Variants in ZNF407 observed in about 807,000 individuals in gnomAD.
ZNF407 encodes zinc finger protein 407.
Under a neutral mutation model 131.2 loss-of-function variants are expected in ZNF407, and 17 were observed. That is an observed-to-expected ratio of 0.13 (90% CI 0.09 to 0.19). The LOEUF is 0.19. ZNF407 is among the 10% of genes least tolerant of loss of function. The pLI is 1.00. For missense variants in ZNF407, 2,681 were observed against 2,830.6 expected, an observed-to-expected ratio of 0.95 and a Z score of 1.20; for synonymous variants, 1,156 against 1,062.0, an observed-to-expected ratio of 1.09 and a Z score of -1.72.
intron 3 of ZNF407, among the ~76,000 whole-genome samples, chr18:74,774,528 T>C (rs369020364): frequency 6.6e-6 from 1 of 152,230 alleles, no homozygotes; most frequent in South Asian, 2.1e-4. Flanking sequence ...CCTGATACTA[T>C]GTAATTGGAA....
chr18:74,627,835 C>A (rs9958425), intron 1 of ZNF407, among the ~76,000 whole-genome samples: 8 of 120,050 alleles, frequency 6.7e-5, no homozygotes, highest in South Asian at 3.1e-4. Flanking sequence ...TGCCCTGCCC[C>A]GCCCCACCCC....
chr18:74,667,410 C>G (rs1054595336), intron 3 of ZNF407, among the ~76,000 whole-genome samples: 4 of 152,228 alleles, frequency 2.6e-5, no homozygotes, highest in Admixed American at 6.5e-5. Flanking sequence ...ATCATAGTCA[C>G]AGGTACAGTC....
chr18:74,699,406 G>C (rs1260547191), intron 3 of ZNF407, among the ~76,000 whole-genome samples: 1 of 152,172 alleles, frequency 6.6e-6, no homozygotes, highest in African/African-American at 2.4e-5. Context: ...GCTGGGGTCT[G>C]ATAACTGAAG....
intron 6 of ZNF407, among the ~76,000 whole-genome samples, chr18:74,884,734 A>G (rs895004024): frequency 6.6e-6 from 1 of 152,212 alleles, no homozygotes; most frequent in Non-Finnish European, 1.5e-5. Flanking sequence ...ATTTTGTCAC[A>G]TAAAGATTTT....
At chr18:74,915,396 G>A (rs56141540) in intron 7 of ZNF407, among the ~76,000 whole-genome samples, 13,721 of 93,860 alleles carry the variant, frequency 0.15, 1,125 homozygotes, top group Middle Eastern at 0.29. Context: ...GCATTGGTTC[G>A]AATCAGGAGT....
chr18:74,909,181 C>T (rs909471686), intron 7 of ZNF407, among the ~76,000 whole-genome samples: 6 of 151,626 alleles, frequency 4.0e-5, no homozygotes, highest in African/African-American at 1.5e-4. Flanking sequence ...ATACACACCT[C>T]ACATGTGCTC....
At chr18:74,693,815 A>G (rs1481928635) in intron 3 of ZNF407, among the ~76,000 whole-genome samples, 1 of 152,050 alleles carries the variant, frequency 6.6e-6, no homozygotes. Context: ...TTTTCTGTTT[A>G]CTACCCTATT....
At chr18:74,828,886 A>G (rs1970445575) in intron 4 of ZNF407, among the ~76,000 whole-genome samples, 1 of 152,158 alleles carries the variant, frequency 6.6e-6, no homozygotes, top group African/African-American at 2.4e-5. Context: ...GAAATAGTAA[A>G]TGTAAATTCT....
intron 4 of ZNF407, among the ~76,000 whole-genome samples, chr18:74,833,102 C>T (rs1023669341): frequency 6.6e-6 from 1 of 152,162 alleles, no homozygotes; most frequent in Non-Finnish European, 1.5e-5. Context: ...AGGAGACAAA[C>T]TGAGTTTCAT....
chr18:74,997,172 C>G (rs1035153912), intron 8 of ZNF407, among the ~76,000 whole-genome samples: 2 of 152,194 alleles, frequency 1.3e-5, no homozygotes, highest in Non-Finnish European at 2.9e-5. Context: ...ACAGAGAATG[C>G]AGCTAGCAGT....
In ZNF407 at chr18:74,615,235, G is replaced by A. The variant is rs1315029798; in HGVS notation, c.-53-15732G>A. ...AAAACTTTTATCACAGGCTGGGCGC[G>A]GTGGCTTACGCCTGTAATCCCAGCA... is the stretch of plus-strand genomic sequence containing the variant. On this transcript the variant is annotated intron_variant, in intron 1 of 8. Transcript: ENST00000299687. Among the ~76,000 whole-genome samples the A allele has an allele frequency of 5.9e-5, 9 of 152,336 alleles. No homozygotes were observed. The East Asian group carries it at 9.6e-4, about 16-fold the overall frequency.
In ZNF407 at chr18:74,633,945, T is replaced by G; in HGVS notation, c.2926T>G (p.Ser976Ala). The change falls in exon 2 of 9, where the codon TCT becomes GCT. Residue 976 changes from serine to alanine, a missense_variant. By Grantham distance (99) the Ser-to-Ala change is moderately conservative. This residue lies in a region of ZNF407 where 1,789 missense variants were observed against 1,748.7 expected (regional missense o/e 1.02). Coordinates refer to ENST00000299687, the MANE Select transcript of ZNF407 (RefSeq NM_017757.3). ...IEAEVENVFH[S>A]LDGEVNSHLL... ...AGCTGAAGTTGAAAATGTATTTCAT[T>G]CTCTAGATGGAGAAGTTAACAGCCA... 1.2e-6 allele frequency: 2 copies of G among 1,614,008 alleles called. No homozygotes were observed. The highest frequency in any genetic ancestry group is 1.7e-6 in the Non-Finnish European group (2 of 1,179,890).
intron 8 of ZNF407, among the ~76,000 whole-genome samples, chr18:74,998,495 A>G (rs879549886): frequency 3.4e-4 from 51 of 152,212 alleles, no homozygotes; most frequent in Non-Finnish European, 7.3e-4. Flanking sequence ...TACTTAGATC[A>G]TCACTTCTAT....
At chr18:74,700,004 C>T (rs185339546) in intron 3 of ZNF407, among the ~76,000 whole-genome samples, 76 of 152,132 alleles carry the variant, frequency 5.0e-4, no homozygotes, top group African/African-American at 1.7e-3. Context: ...AAGATTAGTG[C>T]TGTGTTCCCA....
intron 3 of ZNF407, among the ~76,000 whole-genome samples, chr18:74,721,011 T>C (rs1968022288): frequency 6.6e-6 from 1 of 152,022 alleles, no homozygotes; most frequent in Non-Finnish European, 1.5e-5. Context: ...TTCAGAGTTT[T>C]TTTTTCTATT....
chr18:74,744,845 A>G (rs1344995213), intron 3 of ZNF407, among the ~76,000 whole-genome samples: 1 of 152,080 alleles, frequency 6.6e-6, no homozygotes, highest in Non-Finnish European at 1.5e-5. Flanking sequence ...GAATAATATC[A>G]TTATTTCCTA....
chr18:75,060,609 C>T lies in ZNF407; in HGVS notation c.5429-2541C>T, dbSNP rs1404735334. ...CGAGCTCCGCCTCCCGGGTTCCCGC[C>T]ATTCTCCTGCCTCAGCCTCCCGAGT... On this transcript the variant is annotated intron_variant, in intron 8 of 8. Coordinates refer to ENST00000299687, the MANE Select transcript of ZNF407 (RefSeq NM_017757.3). 2.0e-5 allele frequency among the ~76,000 whole-genome samples: 3 copies of T among 151,824 alleles called. No individual in the cohort carries two copies. The South Asian group carries it at 6.2e-4, about 32-fold the overall frequency.
At chr18:74,711,391 G>A (rs1424465324) in intron 3 of ZNF407, among the ~76,000 whole-genome samples, 1 of 152,194 alleles carries the variant, frequency 6.6e-6, no homozygotes, top group Non-Finnish European at 1.5e-5. Context: ...GTGATCACAA[G>A]GGTCCATAAA....
chr18:74,645,637 T>TG (rs1984936529), intron 3 of ZNF407, among the ~76,000 whole-genome samples: 1 of 145,292 alleles, frequency 6.9e-6, no homozygotes, highest in African/African-American at 2.5e-5. Flanking sequence ...GTAAAACTCT[T>TG]TGTGTGTGTG....
Sources: allele counts gnomAD v4.1 joint callset (sites outside exome capture counted in the v4.1 genomes callset), GRCh38; gene constraint gnomAD v4.1.1; regional missense constraint gnomAD v4.1.1; transcripts MANE v1.5; gene names NCBI Gene and HGNC (gene_info 2026-07-23, HGNC 2026-07-21).